The following FNDC1 variants were observed in gnomAD, a reference collection of about 807,000 sequenced individuals.
The protein encoded by FNDC1 is fibronectin type III domain containing 1.
Under a neutral mutation model 168.0 loss-of-function variants are expected in FNDC1, and 96 were observed. That is an observed-to-expected ratio of 0.57 (90% CI 0.48 to 0.68). The LOEUF (loss-of-function observed/expected upper bound fraction) is 0.68, where lower values mean the gene tolerates loss of function less well. Ranked by LOEUF, FNDC1 falls within the 30% of genes least tolerant of loss-of-function variation. FNDC1 has a pLI of 0.00. For missense variants in FNDC1, 2,587 were observed against 2,482.1 expected (o/e 1.04, Z -0.90); for synonymous variants, 1,099 against 1,025.9 (o/e 1.07, Z -1.36).
intron 5 of FNDC1, among the ~76,000 whole-genome samples, chr6:159,220,545 A>G (rs974506828): frequency 6.6e-6 from 1 of 152,098 alleles, no homozygotes; most frequent in Non-Finnish European, 1.5e-5. Context: ...TAAGTGTGTG[A>G]CCCTGGGCAA....
chr6:159,221,986 ACCCAAG>A (rs2114976456), intron 6 of FNDC1, among the ~76,000 whole-genome samples: 1 of 152,318 alleles, frequency 6.6e-6, no homozygotes, highest in African/African-American at 2.4e-5. Flanking sequence ...GTGCAGTGTG[ACCCAAG>A]CCTAAATTGC....
At chr6:159,178,962 C>T (rs1781825558) in intron 1 of FNDC1, among the ~76,000 whole-genome samples, 1 of 152,128 alleles carries the variant, frequency 6.6e-6, no homozygotes, top group South Asian at 2.1e-4. Flanking sequence ...CCAATAGCTC[C>T]CTGACTCCCT....
chr6:159,252,933 A>G (rs1228359818), intron 17 of FNDC1, among the ~76,000 whole-genome samples: 1 of 152,204 alleles, frequency 6.6e-6, no homozygotes, highest in Non-Finnish European at 1.5e-5. Context: ...AACACGCCTC[A>G]AGGGTTCTTG....
At chr6:159,206,156 T>A (rs1782483119) in intron 4 of FNDC1, among the ~76,000 whole-genome samples, 1 of 152,256 alleles carries the variant, frequency 6.6e-6, no homozygotes, top group South Asian at 2.1e-4. Context: ...CACCAGATAT[T>A]TCTGCAGCCA....
intron 4 of FNDC1, among the ~76,000 whole-genome samples, chr6:159,211,007 G>C (rs1259534388): frequency 6.6e-6 from 1 of 152,158 alleles, no homozygotes; most frequent in Non-Finnish European, 1.5e-5. Flanking sequence ...GGTTCACACT[G>C]AACTTCGAGC....
Position 159,233,543 on chromosome 6 carries a change from G to C in FNDC1, c.3031G>C (p.Ala1011Pro). 1 of 1,594,586 alleles carries C rather than the reference G, an allele frequency of 6.3e-7. No homozygotes were observed. Among genetic ancestry groups the C allele is most frequent in the South Asian group, 1.1e-5 (1 of 88,720 alleles). ...APQQQPPPPV[A>P]TSQHHPGPQS... is the part of the protein sequence containing the mutation. Reference sequence around the variant, plus strand: ...ACAACAGCAGCCCCCTCCTCCCGTCGCCACGTCCCAGCACCACCCGGGACC... The same window carrying C: ...ACAACAGCAGCCCCCTCCTCCCGTCCCCACGTCCCAGCACCACCCGGGACC... The change falls in exon 11 of 23, where the codon GCC becomes CCC. Residue 1011 changes from alanine (A) to proline (P), a missense_variant. By Grantham distance (27) the Ala-to-Pro change is conservative. Transcript: ENST00000297267. The surrounding 1 kb of genome is among the most constrained non-coding windows in gnomAD (Gnocchi z 4.6).
chr6:159,257,245 C>T (rs527878514), intron 18 of FNDC1, among the ~76,000 whole-genome samples: 99 of 152,240 alleles, frequency 6.5e-4, no homozygotes, highest in Middle Eastern at 3.4e-3. Context: ...TGGTAATGAC[C>T]CTCGGAAAGC....
At chr6:159,255,304 A>G (rs1777350462) in intron 17 of FNDC1, among the ~76,000 whole-genome samples, 1 of 151,986 alleles carries the variant, frequency 6.6e-6, no homozygotes, top group Non-Finnish European at 1.5e-5. Flanking sequence ...CAGGATTCCC[A>G]CTACCTGGAA....
At position 159,233,466 on chromosome 6, in the gene FNDC1, G is replaced by T; in HGVS notation, c.2954G>T (p.Arg985Leu). The T allele has an allele frequency of 6.2e-7, 1 of 1,606,276 alleles. No individual in the cohort carries two copies. The highest frequency in any genetic ancestry group is 8.5e-7 in the Non-Finnish European group (1 of 1,178,724). Residue 985 changes from arginine (R) to leucine (L), a missense_variant, in exon 11 of 23, where the codon CGG (arginine) becomes CTG (leucine). Coordinates refer to ENST00000297267, the MANE Select transcript of FNDC1 (RefSeq NM_032532.3). This position sits in a 1 kb window ranked among gnomAD's most constrained non-coding sequence, Gnocchi z 4.6. Reference protein sequence around the residue: ...HASPARPPAARSQQHPSVPRR... With the variant: ...HASPARPPAALSQQHPSVPRR... ...TCCCCTGCTCGTCCGCCCGCAGCAC[G>T]GTCACAGCAGCATCCCAGTGTTCCC...
At chr6:159,213,770 T>C (rs909296536) in intron 4 of FNDC1, among the ~76,000 whole-genome samples, 2 of 152,102 alleles carry the variant, frequency 1.3e-5, no homozygotes, top group Non-Finnish European at 2.9e-5. Flanking sequence ...GAACATACCA[T>C]GGTGTTCTCT....
In FNDC1 at chr6:159,197,845, G is replaced by A. The variant is rs143676358; in HGVS notation, c.304+220G>A. ...TCCCCATCCGTGCATGTGAACTCAA[G>A]TATTCCTGTTTCCAAACTGATGCAG... On this transcript the variant is annotated intron_variant, in intron 2 of 22. Coordinates refer to ENST00000297267, the MANE Select transcript of FNDC1 (RefSeq NM_032532.3). 2.4e-4 allele frequency among the ~76,000 whole-genome samples: 36 copies of A among 152,374 alleles called. No homozygotes were observed. In the East Asian group the frequency reaches 6.5e-3, roughly 28 times the overall value.
chr6:159,189,544 G>A (rs965530770), intron 1 of FNDC1, among the ~76,000 whole-genome samples: 1 of 152,186 alleles, frequency 6.6e-6, no homozygotes, highest in Admixed American at 6.5e-5. Flanking sequence ...AGGCAAGCAG[G>A]ACGCTTTGGA....
intron 22 of FNDC1, among the ~76,000 whole-genome samples, chr6:159,269,515 C>CATCCATCT (rs1361986917): frequency 0.032 from 1,660 of 51,820 alleles, 76 homozygotes; most frequent in East Asian, 0.16. Context: ...TCCATCCATG[C>CATCCATCT]ATCCATCCAT....
At chr6:159,222,698 C>G (rs1355447971) in intron 6 of FNDC1, among the ~76,000 whole-genome samples, 1 of 152,176 alleles carries the variant, frequency 6.6e-6, no homozygotes, top group Non-Finnish European at 1.5e-5. Flanking sequence ...TTTAATCTGT[C>G]TTGGACTCAC....
chr6:159,255,388 G>GAGAAGCTCTTT (rs1295276543), intron 17 of FNDC1, among the ~76,000 whole-genome samples: 2 of 152,140 alleles, frequency 1.3e-5, no homozygotes, highest in Admixed American at 6.6e-5. Flanking sequence ...TGTGACCCCA[G>GAGAAGCTCTTT]AGAAGCTCTT....
chr6:159,265,993 C>A, intron 20 of FNDC1, 91 bp from the exon 21 acceptor site: 1 of 1,345,436 alleles, frequency 7.4e-7, no homozygotes, highest in South Asian at 1.3e-5. Flanking sequence ...GAAAGGAAGG[C>A]CCAGGAAGTC....
Position 159,234,034 on chromosome 6 carries a change from G to T in FNDC1, c.3522G>T (p.Ser1174=), listed in dbSNP as rs771999278. The T allele has an allele frequency of 8.1e-6, 13 of 1,611,598 alleles. No homozygotes were observed. In the Admixed American group the frequency reaches 1.5e-4, roughly 19 times the overall value. Residue 1174 remains serine, a synonymous_variant, in exon 11 of 23, where the codon TCG becomes TCT. Transcript: ENST00000297267. ...KRPLSSKSQQ[S]VSAEDDEEED... is the part of the protein sequence containing the mutation. Reference sequence around the variant, plus strand: ...CCCTGTCCTCCAAGTCCCAGCAGTCGGTCTCAGCCGAGGACGACGAGGAGG... The same window carrying T: ...CCCTGTCCTCCAAGTCCCAGCAGTCTGTCTCAGCCGAGGACGACGAGGAGG...
Position 159,251,345 on chromosome 6 carries a change from C to T in FNDC1, c.4878C>T (p.Cys1626=). ...TAAATAAAGACCCATCAGCCCCGTG[C>T]TCTCTGACTGATGCACTGGATCACT... is the stretch of plus-strand genomic sequence containing the variant. ...TYLNKDPSAP[C]SLTDALDHFQ... The change falls in exon 17 of 23, where the codon TGC becomes TGT. Residue 1626 remains cysteine, a synonymous_variant. Coordinates refer to ENST00000297267, the MANE Select transcript of FNDC1 (RefSeq NM_032532.3). The T allele has an allele frequency of 1.2e-6, 2 of 1,613,986 alleles. No individual in the cohort carries two copies. The highest frequency in any genetic ancestry group is 1.7e-6 in the Non-Finnish European group (2 of 1,179,856).
intron 1 of FNDC1, among the ~76,000 whole-genome samples, chr6:159,180,638 T>C (rs559690692): frequency 6.6e-6 from 1 of 152,170 alleles, no homozygotes; most frequent in South Asian, 2.1e-4. Flanking sequence ...CAACCCCCTG[T>C]CCTCCCCTGA....
Sources: allele counts gnomAD v4.1 joint callset (sites outside exome capture counted in the v4.1 genomes callset), GRCh38; gene constraint gnomAD v4.1.1; non-coding constraint Gnocchi (gnomAD v3.1); transcripts MANE v1.5; gene names NCBI Gene and HGNC (gene_info 2026-07-23, HGNC 2026-07-21).